SV2C: variants seen among roughly 807,000 people sequenced by gnomAD.
SV2C encodes synaptic vesicle glycoprotein 2C.
SV2C carries 49 observed loss-of-function variants against 79.7 expected under a neutral mutation model. That is an observed-to-expected ratio of 0.61 (90% CI 0.49 to 0.78). The LOEUF (loss-of-function observed/expected upper bound fraction) is 0.78, where lower values mean the gene tolerates loss of function less well. Ranked by LOEUF, SV2C falls within the 30% of genes least tolerant of loss-of-function variation. The pLI is 0.00. For synonymous variants in SV2C, 334 were observed against 333.2 expected (o/e 1.00, Z -0.03); for missense variants, 833 against 912.9 (o/e 0.91, Z 1.13).
rs7718379 is a variant in SV2C, at chr5:76,316,303, C to A, written c.2001-9061C>A. 2.5e-3 allele frequency among the ~76,000 whole-genome samples: 376 copies of A among 152,190 alleles called. 3 individuals carry two copies. The highest frequency in any genetic ancestry group is 8.6e-3 in the African/African-American group (355 of 41,510). ...CATCAATTCAAAGAATGCAGACATC[C>A]CTGGGAAGACAGCAGGATTCTCAAC... On this transcript the variant is annotated intron_variant, in intron 12 of 12. Coordinates refer to ENST00000502798, the MANE Select transcript of SV2C (RefSeq NM_014979.4).
chr5:76,325,976 C>CTT lies in SV2C; in HGVS notation c.*443_*444dup, dbSNP rs34500881. ...TGCATTTGTGCTGAGAAGAGGGATT[C>CTT]TTTTTTTTTTTTTTTCTAACAGAGT... On this transcript the variant is annotated 3_prime_UTR_variant, in exon 13 of 13. Coordinates refer to ENST00000502798, the MANE Select transcript of SV2C (RefSeq NM_014979.4). 28 of 143,474 alleles carry CTT rather than the reference C, an allele frequency of 2.0e-4. No individual in the cohort carries two copies. The highest frequency in any genetic ancestry group is 2.8e-4 in the Admixed American group (4 of 14,282). 8.9% of individuals were successfully genotyped at this position (143,474 alleles called of 1,614,324 possible). A position where few individuals can be genotyped will look rare whatever the true frequency, so the allele number is the denominator to read the frequency against.
intron 4 of SV2C, among the ~76,000 whole-genome samples, chr5:76,283,843 C>T (rs1047763045): frequency 6.6e-6 from 1 of 152,170 alleles, no homozygotes; most frequent in African/African-American, 2.4e-5. Flanking sequence ...AAGATTCTGT[C>T]TCAAGTCCTG....
chr5:76,018,711 G>A, the SV2C span, among the ~76,000 whole-genome samples: 67,774 of 152,036 alleles, frequency 0.45, 17,748 homozygotes, highest in Middle Eastern at 0.64. Context: ...GAAAAGGCCA[G>A]AAGGAAGAGG....
intron 2 of SV2C, chr5:76,173,932 G>A (rs2112282980): frequency 6.3e-7 from 1 of 1,582,004 alleles, no homozygotes; most frequent in South Asian, 1.1e-5. Flanking sequence ...ACTGTGCTGT[G>A]ATGGAATAAA....
the SV2C span, among the ~76,000 whole-genome samples, chr5:75,915,700 G>A: frequency 6.6e-6 from 1 of 152,336 alleles, no homozygotes; most frequent in South Asian, 2.1e-4. Flanking sequence ...AGACAGGATT[G>A]TTCACTTGAT....
the SV2C span, among the ~76,000 whole-genome samples, chr5:75,901,199 T>TC: frequency 6.6e-6 from 1 of 152,200 alleles, no homozygotes; most frequent in Admixed American, 6.5e-5. Flanking sequence ...CTCTGTTTTT[T>TC]CCCCATCTTT....
intron 12 of SV2C, among the ~76,000 whole-genome samples, chr5:76,347,948 C>T (rs1279236895): frequency 6.6e-6 from 1 of 152,100 alleles, no homozygotes; most frequent in Non-Finnish European, 1.5e-5. Flanking sequence ...CATAGTTTAC[C>T]TTAGGGTTCT....
At chr5:76,051,987 T>A in the SV2C span, among the ~76,000 whole-genome samples, 1 of 152,208 alleles carries the variant, frequency 6.6e-6, no homozygotes, top group African/African-American at 2.4e-5. Flanking sequence ...TAGATCAATT[T>A]ATTTTATCTT....
At chr5:75,897,862 C>A in the SV2C span, among the ~76,000 whole-genome samples, 5 of 119,922 alleles carry the variant, frequency 4.2e-5, no homozygotes, top group African/African-American at 9.5e-5. Flanking sequence ...TGATTTGGCT[C>A]TCTGTTTGTC....
chr5:75,953,500 A>G, the SV2C span, among the ~76,000 whole-genome samples: 1 of 152,014 alleles, frequency 6.6e-6, no homozygotes, highest in East Asian at 1.9e-4. Flanking sequence ...GGATCCCACA[A>G]ATTTATAATA....
rs867231842 is a variant in SV2C, at chr5:76,171,013, G to A, written c.581-23906G>A. On this transcript the variant is annotated intron_variant, in intron 2 of 12. Transcript: ENST00000502798. The stretch of plus-strand genomic sequence containing the variant: ...ATGGAGTTCAGCGGGCAGCGGAGCT[G>A]TCTCAGTCTTTGCCGCCGCGCCGGC... The A allele has an allele frequency of 3.7e-3, 718 of 196,324 alleles. 16 individuals carry two copies. The highest frequency in any genetic ancestry group is 0.022 in the African/African-American group (666 of 29,704). The allele number at this position is 196,324 out of a possible 1,614,324, so 12.2% of individuals were successfully genotyped here.
chr5:75,864,196 C>A, the SV2C span, among the ~76,000 whole-genome samples: 11,495 of 152,022 alleles, frequency 0.076, 1,214 homozygotes, highest in African/African-American at 0.24. Flanking sequence ...AAAAACTGAG[C>A]CTGATTTTCT....
the SV2C span, among the ~76,000 whole-genome samples, chr5:76,010,401 T>A: frequency 6.6e-6 from 1 of 152,144 alleles, no homozygotes; most frequent in Non-Finnish European, 1.5e-5. Flanking sequence ...TAAAATTGGT[T>A]AATGTGCGTG....
At chr5:76,169,316 T>C (rs1743142716) in intron 2 of SV2C, among the ~76,000 whole-genome samples, 1 of 152,154 alleles carries the variant, frequency 6.6e-6, no homozygotes, top group Non-Finnish European at 1.5e-5. Context: ...AATTTACTGA[T>C]GTGACGAGAT....
chr5:76,163,213 T>C (rs981482881), intron 2 of SV2C, among the ~76,000 whole-genome samples: 1 of 151,812 alleles, frequency 6.6e-6, no homozygotes, highest in Non-Finnish European at 1.5e-5. Flanking sequence ...TTGAACATTT[T>C]AAGAATTTTA....
At chr5:76,071,545 A>G in the SV2C span, among the ~76,000 whole-genome samples, 1 of 152,184 alleles carries the variant, frequency 6.6e-6, no homozygotes, top group Admixed American at 6.5e-5. Context: ...GGGAAAACCA[A>G]TTAGACAGAC....
At chr5:75,934,751 T>C in the SV2C span, among the ~76,000 whole-genome samples, 1 of 152,176 alleles carries the variant, frequency 6.6e-6, no homozygotes, top group South Asian at 2.1e-4. Context: ...TATGGTGGTG[T>C]GTGGGGGTAC....
chr5:76,047,842 T>C, the SV2C span, among the ~76,000 whole-genome samples: 1 of 149,340 alleles, frequency 6.7e-6, no homozygotes, highest in Admixed American at 6.7e-5. Context: ...CGCAGCTCAC[T>C]GCAAGCTCCG....
At chr5:76,024,893 T>C in the SV2C span, among the ~76,000 whole-genome samples, 1 of 152,222 alleles carries the variant, frequency 6.6e-6, no homozygotes, top group Non-Finnish European at 1.5e-5. Context: ...TTCAAACCTG[T>C]GTTGTTCAAG....
Sources: allele counts gnomAD v4.1 joint callset (sites outside exome capture counted in the v4.1 genomes callset), GRCh38; gene constraint gnomAD v4.1.1; transcripts MANE v1.5; gene names NCBI Gene and HGNC (gene_info 2026-07-23, HGNC 2026-07-21).